COMMD10: variants seen among roughly 807,000 people sequenced by gnomAD.
COMMD10 encodes COMM domain-containing protein 10.
COMMD10 carries 33 observed loss-of-function variants against 28.9 expected under a neutral mutation model. The ratio of observed to expected loss-of-function variants is 1.14; its 90% CI spans 0.87 to 1.53. The LOEUF (loss-of-function observed/expected upper bound fraction) is 1.53. Among genes scored for constraint, COMMD10 ranks in the 40% most tolerant of loss-of-function variants. The probability of loss-of-function intolerance (pLI) is 0.00; values close to 1 mark genes in which losing one functional copy is unlikely to be tolerated. For missense variants in COMMD10, 310 were observed against 233.4 expected, an observed-to-expected ratio of 1.33 and a Z score of -2.14; for synonymous variants, 110 against 81.7, an observed-to-expected ratio of 1.35 and a Z score of -1.87.
chr5:116,273,016 C>A (rs1750800114), intron 5 of COMMD10, among the ~76,000 whole-genome samples: 2 of 151,768 alleles, frequency 1.3e-5, no homozygotes, highest in South Asian at 4.1e-4. Context: ...GCATTGTCTC[C>A]ATCAAGTCTT....
chr5:116,110,504 G>T (rs115667294), intron 4 of COMMD10, among the ~76,000 whole-genome samples: 1,993 of 152,092 alleles, frequency 0.013, 41 homozygotes, highest in African/African-American at 0.045. Flanking sequence ...CTGCGTTTTT[G>T]GGGGGAAGAT....
At chr5:116,237,961 G>C (rs918834437) in intron 5 of COMMD10, among the ~76,000 whole-genome samples, 2 of 152,080 alleles carry the variant, frequency 1.3e-5, no homozygotes, top group African/African-American at 4.8e-5. Flanking sequence ...TGTAATAAAG[G>C]TAAATTTAAT....
At chr5:116,280,965 C>G (rs1483871844) in intron 5 of COMMD10, among the ~76,000 whole-genome samples, 1 of 151,784 alleles carries the variant, frequency 6.6e-6, no homozygotes, top group Non-Finnish European at 1.5e-5. Flanking sequence ...CTTTAAGTAC[C>G]TACCAAAGTA....
intron 5 of COMMD10, among the ~76,000 whole-genome samples, chr5:116,245,852 T>C (rs1220928782): frequency 6.6e-6 from 1 of 151,860 alleles, no homozygotes; most frequent in African/African-American, 2.4e-5. Flanking sequence ...ATGAGAGTCT[T>C]CTATGACAAA....
rs9942321 is a variant in COMMD10 at position 116,138,328 on chromosome 5, G to C, written c.510+4150G>C. Reference sequence around the variant, plus strand: ...CTTCATGAGAAAAAAGAATAAAATAGTCCATAAGATAATTGAATGGCTCTA... The same window carrying C: ...CTTCATGAGAAAAAAGAATAAAATACTCCATAAGATAATTGAATGGCTCTA... On this transcript the variant is annotated intron_variant, in intron 5 of 6. Transcript: ENST00000274458. 3.7e-3 allele frequency among the ~76,000 whole-genome samples: 566 copies of C among 151,840 alleles called. 5 individuals are homozygous for C. The highest frequency in any genetic ancestry group is 0.013 in the African/African-American group (528 of 41,492).
chr5:116,153,873 G>C (rs1752617550), intron 5 of COMMD10, among the ~76,000 whole-genome samples: 1 of 152,100 alleles, frequency 6.6e-6, no homozygotes, highest in Non-Finnish European at 1.5e-5. Flanking sequence ...CCTTGATAAA[G>C]GGTTGGGTTG....
intron 5 of COMMD10, among the ~76,000 whole-genome samples, chr5:116,244,016 C>G (rs555669616): frequency 1.3e-5 from 2 of 152,224 alleles, no homozygotes; most frequent in East Asian, 1.9e-4. Context: ...AAAGCTGTTT[C>G]TACTAAAGAT....
intron 5 of COMMD10, among the ~76,000 whole-genome samples, chr5:116,272,841 G>T (rs12652993): frequency 0.7 from 106,166 of 151,496 alleles, 40,629 homozygotes; most frequent in South Asian, 0.85. Flanking sequence ...TGTGGTGTTG[G>T]CTCTGGTTTC....
At chr5:116,164,969 A>G (rs1165681688) in intron 5 of COMMD10, among the ~76,000 whole-genome samples, 1 of 152,222 alleles carries the variant, frequency 6.6e-6, no homozygotes. Flanking sequence ...AGAATGAATC[A>G]TGGCCAAGAC....
intron 5 of COMMD10, among the ~76,000 whole-genome samples, chr5:116,229,318 C>T (rs1395537192): frequency 1.3e-5 from 2 of 151,896 alleles, no homozygotes; most frequent in Non-Finnish European, 2.9e-5. Context: ...TGTAATAAAA[C>T]CACTTGAACT....
intron 5 of COMMD10, among the ~76,000 whole-genome samples, chr5:116,157,939 C>CTT (rs76882415): frequency 4.9e-4 from 68 of 138,084 alleles, no homozygotes; most frequent in African/African-American, 1.3e-3. Context: ...CTTTCCTTTA[C>CTT]TTTTTTTTTT....
At chr5:116,251,562 C>T (rs373017342) in intron 5 of COMMD10, among the ~76,000 whole-genome samples, 19 of 149,394 alleles carry the variant, frequency 1.3e-4, no homozygotes, top group East Asian at 2.0e-4. Context: ...TTTGTTCTTG[C>T]GATAGTTTAC....
chr5:116,105,457 A>G lies in COMMD10; in HGVS notation c.399+12757A>G, dbSNP rs185536312. On this transcript the variant is annotated intron_variant, in intron 4 of 6. Transcript: ENST00000274458. ...GTCTCTGCCAGGTTTTGGTATTAGG[A>G]TGATGTTGGCCTCGTAAAATGAATT... is the stretch of plus-strand genomic sequence containing the variant. Among the ~76,000 whole-genome samples the G allele has an allele frequency of 3.0e-3, 455 of 152,174 alleles. 3 individuals are homozygous for G. Among genetic ancestry groups the G allele is most frequent in the African/African-American group, 0.011 (436 of 41,512 alleles).
chr5:116,187,797 T>C (rs1205537449), intron 5 of COMMD10, among the ~76,000 whole-genome samples: 1 of 152,190 alleles, frequency 6.6e-6, no homozygotes, highest in Admixed American at 6.6e-5. Context: ...CAAGTATTTA[T>C]ACTTAAATAA....
In COMMD10 at chr5:116,157,987, G is replaced by C. The variant is rs115297123; in HGVS notation, c.510+23809G>C. On this transcript the variant is annotated intron_variant, in intron 5 of 6. Coordinates refer to ENST00000274458, the MANE Select transcript of COMMD10 (RefSeq NM_016144.4). ...CATTTGAATATCTACTTTTGTGAAAGGGAAGGGGAGGTGTGCCTCCAAAGT... is the reference window on the plus strand; with the variant it reads ...CATTTGAATATCTACTTTTGTGAAACGGAAGGGGAGGTGTGCCTCCAAAGT... Among the ~76,000 whole-genome samples the C allele has an allele frequency of 8.4e-3, 1,263 of 150,220 alleles. 23 individuals are homozygous for C. The highest frequency in any genetic ancestry group is 0.03 in the African/African-American group (1,201 of 40,522).
In COMMD10 at chr5:116,177,527, C is replaced by G. The variant is rs536429124; in HGVS notation, c.510+43349C>G. Among the ~76,000 whole-genome samples, 652 of 78,216 alleles carry G rather than the reference C, an allele frequency of 8.3e-3. 4 individuals are homozygous for G. The highest frequency in any genetic ancestry group is 0.04 in the African/African-American group (276 of 6,840). 51.3% of individuals were successfully genotyped at this position (78,216 alleles called of 152,430 possible). ...TTCCTGCTTAAAATGTCTAAGTGAC[C>G]CCCCCCACCCCACTGCAGAATAATG... is the stretch of plus-strand genomic sequence containing the variant. On this transcript the variant is annotated intron_variant, in intron 5 of 6. Transcript: ENST00000274458.
intron 5 of COMMD10, among the ~76,000 whole-genome samples, chr5:116,146,522 A>G (rs1005110489): frequency 5.9e-5 from 9 of 151,644 alleles, no homozygotes; most frequent in Admixed American, 4.6e-4. Flanking sequence ...GTCTAGATTA[A>G]GTTTTCTTAT....
chr5:116,223,596 A>C (rs965602660), intron 5 of COMMD10, among the ~76,000 whole-genome samples: 2 of 152,182 alleles, frequency 1.3e-5, no homozygotes, highest in African/African-American at 2.4e-5. Flanking sequence ...TAATCCAGAG[A>C]AGCTCGGGAA....
chr5:116,181,560 A>G (rs185022439), intron 5 of COMMD10, among the ~76,000 whole-genome samples: 78 of 151,822 alleles, frequency 5.1e-4, no homozygotes, highest in Admixed American at 8.5e-4. Flanking sequence ...AAAAATCCAC[A>G]TAAAGAAGGA....
Sources: allele counts gnomAD v4.1 joint callset (sites outside exome capture counted in the v4.1 genomes callset), GRCh38; gene constraint gnomAD v4.1.1; transcripts MANE v1.5; gene names NCBI Gene and HGNC (gene_info 2026-07-23, HGNC 2026-07-21).